Variants in PREX1 observed in about 807,000 individuals in gnomAD.
PREX1 encodes the protein phosphatidylinositol 3,4,5-trisphosphate-dependent Rac exchanger 1 protein.
A neutral mutation model predicts 198.3 loss-of-function variants in PREX1; 41 were observed. That is an observed-to-expected ratio of 0.21 (90% CI 0.16 to 0.27). The LOEUF (loss-of-function observed/expected upper bound fraction) is 0.27, where lower values mean the gene tolerates loss of function less well. Among genes scored for constraint, PREX1 ranks in the 10% least tolerant of loss-of-function variants. The pLI is 1.00. For synonymous variants in PREX1, 843 were observed against 887.2 expected, an observed-to-expected ratio of 0.95 and a Z score of 0.89; for missense variants, 1,620 against 2,200.7, an observed-to-expected ratio of 0.74 and a Z score of 5.28.
chr20:48,692,572 T>C, intron 8 of PREX1, 100 bp downstream of exon 8: 2 of 982,776 alleles, frequency 2.0e-6, no homozygotes, highest in Non-Finnish European at 3.0e-6. Context: ...AGATTACATC[T>C]CATGATAAAA....
At chr20:48,749,438 C>A (rs1023521774) in intron 1 of PREX1, among the ~76,000 whole-genome samples, 1 of 152,142 alleles carries the variant, frequency 6.6e-6, no homozygotes, top group Admixed American at 6.5e-5. Context: ...CTGTCTCATC[C>A]CACCACGCTT....
chr20:48,786,341 T>G (rs1178990954), intron 1 of PREX1, among the ~76,000 whole-genome samples: 1 of 152,162 alleles, frequency 6.6e-6, no homozygotes, highest in Non-Finnish European at 1.5e-5. Context: ...GGACCCATCC[T>G]ACAGAGACCC....
chr20:48,871,893 T>C, the PREX1 span, among the ~76,000 whole-genome samples: 25 of 151,028 alleles, frequency 1.7e-4, 3 homozygotes, highest in South Asian at 5.0e-3. Flanking sequence ...GGCGTGGTGG[T>C]TCACGCCTGT....
chr20:48,659,567 C>T (rs919579875), intron 16 of PREX1, among the ~76,000 whole-genome samples: 2 of 152,110 alleles, frequency 1.3e-5, no homozygotes, highest in African/African-American at 4.8e-5. Context: ...CTCTGAGCCT[C>T]TGTCTTGACT....
At chr20:48,789,874 T>C (rs1601137433) in intron 1 of PREX1, among the ~76,000 whole-genome samples, 1 of 148,542 alleles carries the variant, frequency 6.7e-6, no homozygotes, top group African/African-American at 2.5e-5. Flanking sequence ...GGTGGGTGGG[T>C]GGGGAGATGG....
At chr20:48,632,725 C>T (rs913717084) in intron 33 of PREX1, 86 bp from the exon 34 acceptor site, 3 of 1,484,152 alleles carry the variant, frequency 2.0e-6, no homozygotes, top group African/African-American at 1.4e-5. Flanking sequence ...ACAGCTGGCA[C>T]CTCCCTGCCC....
intron 1 of PREX1, among the ~76,000 whole-genome samples, chr20:48,817,337 A>G (rs889001633): frequency 6.6e-6 from 1 of 152,204 alleles, no homozygotes; most frequent in Non-Finnish European, 1.5e-5. Context: ...TCAGTCACTT[A>G]TTTCAAGTCC....
intron 4 of PREX1, among the ~76,000 whole-genome samples, chr20:48,727,976 C>T (rs1250694887): frequency 6.6e-6 from 1 of 152,094 alleles, no homozygotes; most frequent in African/African-American, 2.4e-5. Flanking sequence ...GTCCCTCAGG[C>T]TCACTATGTG....
chr20:48,702,353 GAGA>G (rs2089879746), intron 6 of PREX1, among the ~76,000 whole-genome samples: 1 of 152,218 alleles, frequency 6.6e-6, no homozygotes, highest in Admixed American at 6.5e-5. Context: ...AGTCCAAAGA[GAGA>G]AGAAAAGAGA....
chr20:48,647,679 A>G (rs1373931953), intron 25 of PREX1, among the ~76,000 whole-genome samples: 1 of 152,184 alleles, frequency 6.6e-6, no homozygotes, highest in Non-Finnish European at 1.5e-5. Context: ...TGGTTAAGTG[A>G]CTTGCCTAAG....
At chr20:48,809,495 T>C (rs1305674919) in intron 1 of PREX1, among the ~76,000 whole-genome samples, 1 of 152,164 alleles carries the variant, frequency 6.6e-6, no homozygotes, top group African/African-American at 2.4e-5. Flanking sequence ...CAGAGAGAAA[T>C]TCCCATTCTT....
Position 48,656,947 on chromosome 20 carries a change from C to CG in PREX1, c.2123+92dup, listed in dbSNP as rs569374115. 7.0e-6 allele frequency: 10 copies of CG among 1,418,888 alleles called. No homozygotes were observed. The Admixed American group carries it at 2.2e-4, about 31-fold the overall frequency. The allele number at this position is 1,418,888 out of a possible 1,614,324, so 87.9% of individuals were successfully genotyped here. On this transcript the variant is annotated intron_variant, in intron 18 of 39. Transcript: ENST00000371941. ...TGACTCCAACAATGGGTCCCAGCCA[C>CG]GGGGGACCAGGACAGTTCATGCCAC...
the PREX1 span, among the ~76,000 whole-genome samples, chr20:48,851,975 A>T: frequency 1.3e-5 from 2 of 152,000 alleles, no homozygotes; most frequent in African/African-American, 4.8e-5. Flanking sequence ...ACCTTTCGAG[A>T]ATTCCATAAG....
chr20:48,697,769 G>A (rs1936943709), intron 7 of PREX1, among the ~76,000 whole-genome samples: 1 of 152,120 alleles, frequency 6.6e-6, no homozygotes, highest in African/African-American at 2.4e-5. Context: ...GCTCTTCTGG[G>A]TCCTGGTTTC....
At chr20:48,795,831 C>G (rs576430123) in intron 1 of PREX1, among the ~76,000 whole-genome samples, 1 of 152,266 alleles carries the variant, frequency 6.6e-6, no homozygotes, top group African/African-American at 2.4e-5. Flanking sequence ...GAATTTGAAC[C>G]CAGGAGCTCA....
intron 6 of PREX1, among the ~76,000 whole-genome samples, chr20:48,702,206 T>G (rs1337310642): frequency 1.6e-5 from 2 of 122,826 alleles, no homozygotes; most frequent in African/African-American, 6.1e-5. Context: ...GGACTCTGTC[T>G]AAAAAAAAAA....
At chr20:48,652,791 G>C (rs914100378) in intron 20 of PREX1, 85 bp from the exon 21 acceptor site, 4 of 1,443,296 alleles carry the variant, frequency 2.8e-6, no homozygotes, top group African/African-American at 1.4e-5. Context: ...CTGCCCCTGG[G>C]TTCCAGAGCT....
At chr20:48,823,732 G>A (rs942958586) in intron 1 of PREX1, among the ~76,000 whole-genome samples, 2 of 152,158 alleles carry the variant, frequency 1.3e-5, no homozygotes, top group African/African-American at 4.8e-5. Flanking sequence ...CACAGACCTG[G>A]GTTCAAATCC....
rs78209478 is a variant in PREX1, at chr20:48,636,348, G to T, written c.4167+115C>A. On this transcript the variant is annotated intron_variant, in intron 32 of 39. Coordinates refer to ENST00000371941, the MANE Select transcript of PREX1 (RefSeq NM_020820.4). ...CAGGTGCTCAACAAATAGCTGCTGC[G>T]GGAATGACGAGGCCAGGGGGAGCCT... 3,422 of 1,072,896 alleles carry T rather than the reference G, an allele frequency of 3.2e-3. 80 individuals carry two copies. In the East Asian group the frequency reaches 0.06, roughly 19 times the overall value. 66.5% of individuals were successfully genotyped at this position (1,072,896 alleles called of 1,614,324 possible).
Sources: allele counts gnomAD v4.1 joint callset (sites outside exome capture counted in the v4.1 genomes callset), GRCh38; gene constraint gnomAD v4.1.1; transcripts MANE v1.5; gene names NCBI Gene and HGNC (gene_info 2026-07-23, HGNC 2026-07-21).